The following USP45 variants were observed in gnomAD, a reference collection of about 807,000 sequenced individuals.
USP45 encodes the protein ubiquitin specific peptidase 45.
A neutral mutation model predicts 95.8 loss-of-function variants in USP45; 89 were observed. The observed-to-expected ratio is 0.93, with a 90% confidence interval of 0.78 to 1.11. The LOEUF (loss-of-function observed/expected upper bound fraction) is 1.11. Ranked by LOEUF, USP45 falls within the 50% of genes least tolerant of loss-of-function variation. USP45 has a pLI of 0.00. For synonymous variants in USP45, 281 were observed against 316.2 expected (o/e 0.89, Z 1.18); for missense variants, 898 against 942.5 (o/e 0.95, Z 0.62).
At chr6:99,499,742 T>C (rs1797005782) in intron 5 of USP45, among the ~76,000 whole-genome samples, 1 of 152,218 alleles carries the variant, frequency 6.6e-6, no homozygotes, top group Non-Finnish European at 1.5e-5. Flanking sequence ...CCACCTGAAA[T>C]GATTTCTTCT....
rs1005475046 is a variant in USP45, at chr6:99,432,432, A to G, written c.*3284T>C. ...CGTAAACTGTGAAAATTCCAGGACC[A>G]ATCTTGTAACATGAGATAAATAAGA... On this transcript the variant is annotated 3_prime_UTR_variant, in exon 18 of 18. Coordinates refer to ENST00000500704, the MANE Select transcript of USP45 (RefSeq NM_001346022.3). 17 of 152,226 alleles carry G rather than the reference A, an allele frequency of 1.1e-4. No individual in the cohort carries two copies. Among genetic ancestry groups the G allele is most frequent in the African/African-American group, 3.6e-4 (15 of 41,458 alleles). 9.4% of individuals were successfully genotyped at this position (152,226 alleles called of 1,614,324 possible).
chr6:99,441,061 A>G (rs928720050), intron 15 of USP45, among the ~76,000 whole-genome samples: 1 of 152,212 alleles, frequency 6.6e-6, no homozygotes, highest in Non-Finnish European at 1.5e-5. Context: ...ATGAAATGAT[A>G]CACTGCATTT....
chr6:99,502,989 C>T (rs896347398), intron 5 of USP45, among the ~76,000 whole-genome samples: 4 of 152,206 alleles, frequency 2.6e-5, no homozygotes, highest in Admixed American at 1.3e-4. Flanking sequence ...AACCTCTTTT[C>T]TTTATAAATT....
rs116443581 is a variant in USP45 at position 99,478,857 on chromosome 6, T to C, written c.846-2627A>G. Among the ~76,000 whole-genome samples, 1,444 of 152,228 alleles carry C rather than the reference T, an allele frequency of 9.5e-3. 24 individuals carry two copies. Among genetic ancestry groups the C allele is most frequent in the African/African-American group, 0.033 (1,364 of 41,522 alleles). ...GGTCAAAGTGTGTGATAATCACCAC[T>C]ATAACAGAAACTTCAAGAGACTGGT... is the stretch of plus-strand genomic sequence containing the variant. On this transcript the variant is annotated intron_variant, in intron 8 of 17. Transcript: ENST00000500704.
chr6:99,499,339 T>C (rs1335226899), intron 5 of USP45, among the ~76,000 whole-genome samples: 1 of 152,182 alleles, frequency 6.6e-6, no homozygotes, highest in South Asian at 2.1e-4. Flanking sequence ...TTTCACAATG[T>C]TTCACGATTA....
chr6:99,513,552 C>A (rs1199410181), intron 1 of USP45, among the ~76,000 whole-genome samples: 1 of 152,136 alleles, frequency 6.6e-6, no homozygotes, highest in South Asian at 2.1e-4. Context: ...TATATTTTCT[C>A]GCTGTGGTAC....
At chr6:99,451,660 C>T (rs965611827) in intron 13 of USP45, among the ~76,000 whole-genome samples, 11 of 152,156 alleles carry the variant, frequency 7.2e-5, no homozygotes, top group Non-Finnish European at 1.0e-4. Context: ...TGACTTTCTT[C>T]ACAGAATTGG....
chr6:99,474,040 T>C (rs1419352472), intron 9 of USP45, among the ~76,000 whole-genome samples: 2 of 152,128 alleles, frequency 1.3e-5, no homozygotes, highest in Non-Finnish European at 2.9e-5. Flanking sequence ...CAATTAAAAA[T>C]AGGATTGTGA....
In USP45 at chr6:99,501,193, C is replaced by A. The variant is rs186251442; in HGVS notation, c.478+2572G>T. Among the ~76,000 whole-genome samples, 5 of 151,578 alleles carry A rather than the reference C, an allele frequency of 3.3e-5. No homozygotes were observed. In the South Asian group the frequency reaches 6.3e-4, roughly 19 times the overall value. ...TCTATCAGCCTCTCACCTGCCCCCC[C>A]ACAATCACCTCCTTAACCCTCTTCA... On this transcript the variant is annotated intron_variant, in intron 5 of 17. Transcript: ENST00000500704.
chr6:99,472,267 G>A (rs1235054068), intron 9 of USP45, among the ~76,000 whole-genome samples: 3 of 141,332 alleles, frequency 2.1e-5, no homozygotes, highest in Non-Finnish European at 3.0e-5. Flanking sequence ...ACCCAGTCTA[G>A]AGTGCAGTGC....
chr6:99,509,773 A>T (rs1038422870), intron 2 of USP45, among the ~76,000 whole-genome samples: 7 of 152,212 alleles, frequency 4.6e-5, no homozygotes, highest in African/African-American at 1.4e-4. Context: ...GAAAACAGTA[A>T]AAATAAAGAG....
chr6:99,467,513 A>C (rs1298528917), intron 10 of USP45, among the ~76,000 whole-genome samples: 5 of 152,174 alleles, frequency 3.3e-5, no homozygotes, highest in African/African-American at 4.8e-5. Context: ...ACAATATTCA[A>C]AATCATTTAA....
chr6:99,513,995 AC>A (rs779643652), intron 1 of USP45, among the ~76,000 whole-genome samples: 7 of 152,228 alleles, frequency 4.6e-5, no homozygotes, highest in Non-Finnish European at 7.3e-5. Context: ...GCCCAGTACC[AC>A]TAGGAAATAT....
intron 8 of USP45, among the ~76,000 whole-genome samples, chr6:99,480,179 T>C (rs902642883): frequency 1.3e-5 from 2 of 152,188 alleles, no homozygotes; most frequent in African/African-American, 4.8e-5. Context: ...CATGAAATTC[T>C]TAAGATAAAT....
chr6:99,437,659 C>T (rs775190907), intron 16 of USP45, among the ~76,000 whole-genome samples: 12 of 151,904 alleles, frequency 7.9e-5, no homozygotes, highest in South Asian at 2.1e-4. Flanking sequence ...TTCTTTTTTT[C>T]TCTCTCTCTT....
At chr6:99,449,254 T>C (rs962008718) in intron 13 of USP45, among the ~76,000 whole-genome samples, 4 of 152,248 alleles carry the variant, frequency 2.6e-5, no homozygotes, top group Admixed American at 2.6e-4. Flanking sequence ...GACCCATCAG[T>C]GTGCTGTATT....
At chr6:99,458,180 C>T (rs1481804804) in intron 13 of USP45, among the ~76,000 whole-genome samples, 1 of 152,054 alleles carries the variant, frequency 6.6e-6, no homozygotes, top group African/African-American at 2.4e-5. Context: ...CCACCATGAC[C>T]GGCTAATTTT....
intron 5 of USP45, among the ~76,000 whole-genome samples, chr6:99,497,659 G>A (rs1796593355): frequency 6.6e-6 from 1 of 151,804 alleles, no homozygotes; most frequent in Admixed American, 6.6e-5. Flanking sequence ...CTCCATACAA[G>A]TCAAACTGAG....
At chr6:99,444,634 G>A (rs1782140430) in intron 14 of USP45, among the ~76,000 whole-genome samples, 1 of 152,096 alleles carries the variant, frequency 6.6e-6, no homozygotes, top group Non-Finnish European at 1.5e-5. Context: ...CTAGGACCAG[G>A]CACCTGATAA....
Sources: allele counts gnomAD v4.1 joint callset (sites outside exome capture counted in the v4.1 genomes callset), GRCh38; gene constraint gnomAD v4.1.1; transcripts MANE v1.5; gene names NCBI Gene and HGNC (gene_info 2026-07-23, HGNC 2026-07-21).